The following DPP10 variants were observed in gnomAD, a reference collection of about 807,000 sequenced individuals.
DPP10 encodes the protein dipeptidyl peptidase like 10, also known as inactive dipeptidyl peptidase 10.
A neutral mutation model predicts 120.9 loss-of-function variants in DPP10; 33 were observed. That is an observed-to-expected ratio of 0.27 (90% CI 0.21 to 0.37). DPP10 has a LOEUF of 0.37. Ranked by LOEUF, DPP10 falls within the 10% of genes least tolerant of loss-of-function variation. The pLI, the probability that DPP10 is intolerant of heterozygous loss-of-function variation, is 1.00. For synonymous variants in DPP10, 337 were observed against 326.1 expected, an observed-to-expected ratio of 1.03 and a Z score of -0.36; for missense variants, 816 against 942.8, an observed-to-expected ratio of 0.87 and a Z score of 1.76.
At chr2:115,142,521 C>T (rs1267926480) in intron 1 of DPP10, among the ~76,000 whole-genome samples, 3 of 152,170 alleles carry the variant, frequency 2.0e-5, no homozygotes, top group Non-Finnish European at 2.9e-5. Context: ...AATTGAAGCA[C>T]AGAAGTTCAA....
At chr2:115,200,587 C>T (rs1202058145) in intron 1 of DPP10, among the ~76,000 whole-genome samples, 5 of 152,182 alleles carry the variant, frequency 3.3e-5, no homozygotes, top group Admixed American at 6.5e-5. Flanking sequence ...TAAGCAGGCA[C>T]AGCACTTGAG....
At chr2:115,029,200 T>TAA (rs1703673852) in intron 1 of DPP10, among the ~76,000 whole-genome samples, 1 of 152,110 alleles carries the variant, frequency 6.6e-6, no homozygotes, top group Admixed American at 6.5e-5. Flanking sequence ...TGTTTTAATT[T>TAA]GTTGCTTTTT....
chr2:114,852,594 A>C (rs938914216), intron 1 of DPP10, among the ~76,000 whole-genome samples: 3 of 151,990 alleles, frequency 2.0e-5, no homozygotes, highest in Non-Finnish European at 4.4e-5. Context: ...CATATCAGAG[A>C]CTTGGGCATC....
Position 114,612,574 on chromosome 2 carries a change from G to A in DPP10, c.60+169736G>A, listed in dbSNP as rs574310459. Among the ~76,000 whole-genome samples the A allele has an allele frequency of 3.3e-5, 5 of 152,212 alleles. No individual in the cohort carries two copies. The East Asian group carries it at 9.7e-4, about 29-fold the overall frequency. ...GTCAGATGACTGGAGTTCACTAGAG[G>A]TAAGGCTATCCTAAACCTCATTATT... On this transcript the variant is annotated intron_variant, in intron 1 of 25. Coordinates refer to ENST00000410059, the MANE Select transcript of DPP10 (RefSeq NM_020868.6).
chr2:114,556,487 T>A (rs973247921), intron 1 of DPP10, among the ~76,000 whole-genome samples: 2 of 151,718 alleles, frequency 1.3e-5, no homozygotes, highest in African/African-American at 4.8e-5. Context: ...GAAGAGGGAA[T>A]TTGGAGGACA....
chr2:115,736,845 A>G (rs1185122318), intron 8 of DPP10, among the ~76,000 whole-genome samples: 2 of 152,122 alleles, frequency 1.3e-5, no homozygotes, highest in Non-Finnish European at 2.9e-5. Flanking sequence ...TCCCCTTTCT[A>G]GTAAGTCGAT....
chr2:115,057,077 C>T (rs1367300681), intron 1 of DPP10, among the ~76,000 whole-genome samples: 1 of 152,154 alleles, frequency 6.6e-6, no homozygotes, highest in Admixed American at 6.5e-5. Context: ...AGAAAAAATT[C>T]TGTATCTTTA....
intron 7 of DPP10, among the ~76,000 whole-genome samples, chr2:115,697,478 CAAAT>C (rs930238213): frequency 1.3e-4 from 20 of 151,554 alleles, no homozygotes; most frequent in East Asian, 5.8e-4. Context: ...TTTTGAGAGA[CAAAT>C]AAATCAATAC....
chr2:114,647,462 T>G (rs1696225202), intron 1 of DPP10, among the ~76,000 whole-genome samples: 1 of 152,170 alleles, frequency 6.6e-6, no homozygotes, highest in South Asian at 2.1e-4. Flanking sequence ...TGCTTCAACA[T>G]TCTTAAAGTG....
intron 1 of DPP10, among the ~76,000 whole-genome samples, chr2:114,902,269 A>G (rs1693636211): frequency 6.6e-6 from 1 of 152,200 alleles, no homozygotes; most frequent in East Asian, 1.9e-4. Flanking sequence ...AATGTGATCA[A>G]TATCAAATTT....
At chr2:114,646,392 T>C (rs554487008) in intron 1 of DPP10, among the ~76,000 whole-genome samples, 1 of 152,140 alleles carries the variant, frequency 6.6e-6, no homozygotes, top group South Asian at 2.1e-4. Context: ...ATGGTGGGAA[T>C]ATATAAACGA....
chr2:115,557,771 A>T (rs557665891), intron 5 of DPP10, among the ~76,000 whole-genome samples: 2 of 151,854 alleles, frequency 1.3e-5, no homozygotes, highest in South Asian at 4.2e-4. Flanking sequence ...AGAAAGGCCT[A>T]CTCCTATTTG....
chr2:114,451,808 T>C (rs898532999), intron 1 of DPP10, among the ~76,000 whole-genome samples: 1 of 152,126 alleles, frequency 6.6e-6, no homozygotes, highest in Non-Finnish European at 1.5e-5. Flanking sequence ...CTGGGAATCA[T>C]TCCTGAGGTT....
chr2:115,498,717 TA>T (rs2076533715), intron 3 of DPP10, among the ~76,000 whole-genome samples: 1 of 200 alleles, frequency 5.0e-3, no homozygotes, highest in African/African-American at 0.01. Context: ...TGTATAATTA[TA>T]TATATATATA....
intron 1 of DPP10, among the ~76,000 whole-genome samples, chr2:114,462,702 T>TC (rs1258105738): frequency 6.6e-6 from 1 of 152,140 alleles, no homozygotes; most frequent in South Asian, 2.1e-4. Context: ...AAAACGCTCT[T>TC]CCCCCTGCTT....
At chr2:115,074,093 C>T (rs556422686) in intron 1 of DPP10, among the ~76,000 whole-genome samples, 10 of 152,268 alleles carry the variant, frequency 6.6e-5, no homozygotes, top group African/African-American at 2.4e-4. Flanking sequence ...CTCAGTATAA[C>T]CTTGAACTCC....
At chr2:115,746,823 A>G (rs1431341435) in intron 10 of DPP10, among the ~76,000 whole-genome samples, 1 of 152,204 alleles carries the variant, frequency 6.6e-6, no homozygotes, top group African/African-American at 2.4e-5. Flanking sequence ...TCTTTCAAAT[A>G]CTAGAGTCCT....
At chr2:115,609,139 A>G (rs2083907534) in intron 5 of DPP10, among the ~76,000 whole-genome samples, 1 of 152,178 alleles carries the variant, frequency 6.6e-6, no homozygotes, top group African/African-American at 2.4e-5. Context: ...AGAGGATGGA[A>G]TCTCAGAAAG....
chr2:115,438,431 C>T (rs551845728), intron 3 of DPP10, among the ~76,000 whole-genome samples: 2 of 152,164 alleles, frequency 1.3e-5, no homozygotes, highest in Non-Finnish European at 2.9e-5. Flanking sequence ...TACTTGCGTG[C>T]CAATTATTAT....
Sources: gnomAD v4.1 joint callset for allele counts (sites outside exome capture counted in the v4.1 genomes callset) on GRCh38, gnomAD v4.1.1 for gene constraint, MANE v1.5 for transcripts, NCBI Gene and HGNC (gene_info 2026-07-23, HGNC 2026-07-21) for gene names.